Variants in TRHDE observed in about 807,000 individuals in gnomAD.
The protein encoded by TRHDE is thyrotropin releasing hormone degrading enzyme, also known as thyrotropin-releasing hormone-degrading ectoenzyme.
A neutral mutation model predicts 125.7 loss-of-function variants in TRHDE; 72 were observed. That is an observed-to-expected ratio of 0.57 (90% CI 0.47 to 0.70). The LOEUF is 0.70. TRHDE is among the 30% of genes least tolerant of loss of function. The pLI is 0.00. For synonymous variants in TRHDE, 509 were observed against 509.1 expected (o/e 1.00, Z 0.00); for missense variants, 1,110 against 1,327.1 (o/e 0.84, Z 2.54).
intron 15 of TRHDE, 96 bp from the exon 16 acceptor site, chr12:72,652,226 A>G: frequency 1.2e-6 from 1 of 840,314 alleles, no homozygotes. Context: ...TAATCTTTTA[A>G]AAAACTGACT....
chr12:72,638,603 T>C (rs1297906379), intron 15 of TRHDE, among the ~76,000 whole-genome samples: 1 of 152,162 alleles, frequency 6.6e-6, no homozygotes, highest in African/African-American at 2.4e-5. Flanking sequence ...CTAGTCTCGA[T>C]GGTCTTTACA....
chr12:72,473,198 A>G lies in TRHDE; in HGVS notation c.1584+18A>G. ...GGAACATGGTAAGTGCACTTGAATT[A>G]TTTGAAACTTTTAGTAAAAGGCCGA... is the stretch of plus-strand genomic sequence containing the variant. On this transcript the variant is annotated intron_variant, in intron 5 of 18. Transcript: ENST00000261180. The G allele has an allele frequency of 1.3e-6, 2 of 1,599,076 alleles. No individual in the cohort carries two copies. Among genetic ancestry groups the G allele is most frequent in the South Asian group, 2.2e-5 (2 of 90,678 alleles).
At chr12:72,491,082 CATGTT>C (rs981797950) in intron 5 of TRHDE, among the ~76,000 whole-genome samples, 9 of 150,944 alleles carry the variant, frequency 6.0e-5, no homozygotes, top group African/African-American at 1.2e-4. Context: ...ATGTATATCC[CATGTT>C]ATGTTGTATA....
chr12:72,278,565 A>G (rs1395240606), intron 1 of TRHDE, among the ~76,000 whole-genome samples: 1 of 152,152 alleles, frequency 6.6e-6, no homozygotes, highest in South Asian at 2.1e-4. Flanking sequence ...ATTTTCACCA[A>G]CAGTGTACAA....
chr12:72,188,160 G>T (rs2139346864), intron 2 of TRHDE, among the ~76,000 whole-genome samples: 1 of 152,300 alleles, frequency 6.6e-6, no homozygotes, highest in African/African-American at 2.4e-5. Flanking sequence ...TGAGTCAGAG[G>T]AATTGCTAAA....
intron 6 of TRHDE, among the ~76,000 whole-genome samples, chr12:72,519,613 T>G (rs1879071530): frequency 6.6e-6 from 1 of 152,206 alleles, no homozygotes; most frequent in Non-Finnish European, 1.5e-5. Context: ...CTCGGAGTAA[T>G]TTGATCATCT....
intron 7 of TRHDE, among the ~76,000 whole-genome samples, chr12:72,542,726 A>G (rs1182428303): frequency 6.6e-6 from 1 of 151,364 alleles, no homozygotes; most frequent in African/African-American, 2.4e-5. Flanking sequence ...TATGTATTTG[A>G]GAAATCTTAA....
chr12:72,351,309 G>A (rs907411045), intron 2 of TRHDE, among the ~76,000 whole-genome samples: 2 of 151,934 alleles, frequency 1.3e-5, no homozygotes, highest in African/African-American at 2.4e-5. Flanking sequence ...TGTTACGAAA[G>A]TTTATATTAC....
intron 12 of TRHDE, among the ~76,000 whole-genome samples, chr12:72,586,518 A>G (rs1017220825): frequency 1.3e-5 from 2 of 152,160 alleles, no homozygotes; most frequent in South Asian, 2.1e-4. Flanking sequence ...TGTTGCAACT[A>G]TGTCAACGCT....
chr12:72,630,939 A>G (rs1212936073), intron 15 of TRHDE, among the ~76,000 whole-genome samples: 1 of 150,004 alleles, frequency 6.7e-6, no homozygotes, highest in Non-Finnish European at 1.5e-5. Context: ...TTTACTTCTA[A>G]CTATTAGAGT....
intron 2 of TRHDE, among the ~76,000 whole-genome samples, chr12:72,226,092 G>A (rs1189686422): frequency 6.6e-6 from 1 of 152,214 alleles, no homozygotes; most frequent in African/African-American, 2.4e-5. Context: ...ACCTTTGGGT[G>A]TGCATAGGCA....
rs377040058 is a variant in TRHDE at position 72,468,894 on chromosome 12, C to T, written c.1316-864C>T. 3.9e-5 allele frequency among the ~76,000 whole-genome samples: 6 copies of T among 152,256 alleles called. No homozygotes were observed. In the South Asian group the frequency reaches 1.2e-3, roughly 32 times the overall value. On this transcript the variant is annotated intron_variant, in intron 3 of 18. Coordinates refer to ENST00000261180, the MANE Select transcript of TRHDE (RefSeq NM_013381.3). ...AGCCTGGAGATGTTTTTTAGTTTTC[C>T]CTTTTAATATTTGATTTATCATCAC...
At chr12:72,534,033 A>T (rs937815200) in intron 6 of TRHDE, among the ~76,000 whole-genome samples, 1 of 152,122 alleles carries the variant, frequency 6.6e-6, no homozygotes, top group Admixed American at 6.6e-5. Context: ...GTACCTGGGT[A>T]TAGGCTGCAA....
At chr12:72,624,512 T>C (rs892095781) in intron 15 of TRHDE, among the ~76,000 whole-genome samples, 3 of 151,806 alleles carry the variant, frequency 2.0e-5, no homozygotes, top group African/African-American at 7.3e-5. Flanking sequence ...TCTTGATACA[T>C]TGGGGATATG....
chr12:72,122,784 C>A (rs1592448880), intron 2 of TRHDE, among the ~76,000 whole-genome samples: 1 of 151,888 alleles, frequency 6.6e-6, no homozygotes, highest in South Asian at 2.1e-4. Context: ...GAAGTGGCAG[C>A]CCCAAATATA....
At chr12:72,271,186 G>T (rs1879194241), upstream of TRHDE, among the ~76,000 whole-genome samples, 1 of 152,152 alleles carries the variant, frequency 6.6e-6, no homozygotes, top group South Asian at 2.1e-4. Flanking sequence ...CTTTACTTCC[G>T]GAGGATTTTA....
chr12:72,159,471 G>A (rs990395102), intron 2 of TRHDE, among the ~76,000 whole-genome samples: 1 of 152,164 alleles, frequency 6.6e-6, no homozygotes, highest in African/African-American at 2.4e-5. Flanking sequence ...TCACTAATAT[G>A]TATGTAGATG....
At chr12:72,368,092 T>G (rs886808590) in intron 2 of TRHDE, among the ~76,000 whole-genome samples, 4 of 152,180 alleles carry the variant, frequency 2.6e-5, no homozygotes, top group African/African-American at 9.7e-5. Flanking sequence ...CCACAATTCA[T>G]TTTTAAACAA....
At position 72,574,350 on chromosome 12, in the gene TRHDE, AT is replaced by A. The variant is rs538800350; in HGVS notation, c.2132-897del. 1.0e-3 allele frequency among the ~76,000 whole-genome samples: 152 copies of A among 151,682 alleles called. 1 individual carries two copies. The highest frequency in any genetic ancestry group is 3.6e-3 in the African/African-American group (147 of 41,398). On this transcript the variant is annotated intron_variant, in intron 10 of 18. Coordinates refer to ENST00000261180, the MANE Select transcript of TRHDE (RefSeq NM_013381.3). ...ATTAGAGGAGACCCATGTGGTTTTG[AT>A]TTTTTTTCACCTGGATGTCAGACTA...
Sources: gnomAD v4.1 joint callset for allele counts (sites outside exome capture counted in the v4.1 genomes callset) on GRCh38, gnomAD v4.1.1 for gene constraint, MANE v1.5 for transcripts, NCBI Gene and HGNC (gene_info 2026-07-23, HGNC 2026-07-21) for gene names.